Variants in IPP observed in about 807,000 individuals in gnomAD.
IPP encodes the protein actin-binding protein IPP.
In IPP, 41 loss-of-function variants were observed where a neutral mutation model predicts 64.1. That is an observed-to-expected ratio of 0.64 (90% CI 0.50 to 0.83). The LOEUF is 0.83. IPP is among the 40% of genes least tolerant of loss of function. The probability of loss-of-function intolerance (pLI) is 0.00; values close to 1 mark genes in which losing one functional copy is unlikely to be tolerated. For synonymous variants in IPP, 214 were observed against 235.2 expected, an observed-to-expected ratio of 0.91 and a Z score of 0.83; for missense variants, 649 against 703.0, an observed-to-expected ratio of 0.92 and a Z score of 0.87.
chr1:45,748,756 G>A (rs1646175489), intron 1 of IPP, among the ~76,000 whole-genome samples: 1 of 152,164 alleles, frequency 6.6e-6, no homozygotes, highest in African/African-American at 2.4e-5. Flanking sequence ...TGGATCACCA[G>A]AGGTCAGGCG....
chr1:45,736,060 G>A (rs1161838402), intron 3 of IPP, among the ~76,000 whole-genome samples: 1 of 148,710 alleles, frequency 6.7e-6, no homozygotes, highest in Non-Finnish European at 1.5e-5. Context: ...GCAGTGAGCC[G>A]AAATCACACC....
At chr1:45,719,422 T>G in intron 5 of IPP, 82 bp from the exon 6 acceptor site, 1 of 863,582 alleles carries the variant, frequency 1.2e-6, no homozygotes, top group Non-Finnish European at 1.7e-6. Flanking sequence ...TCAGTAGTAT[T>G]CCCTATCGTC....
intron 5 of IPP, among the ~76,000 whole-genome samples, chr1:45,725,059 G>T (rs1645795960): frequency 1.3e-5 from 2 of 149,724 alleles, no homozygotes; most frequent in African/African-American, 2.5e-5. Flanking sequence ...CGTCCGGGAG[G>T]GAGGTGGGGG....
downstream of IPP, among the ~76,000 whole-genome samples, chr1:45,696,077 C>T (rs1557733927): frequency 1.3e-5 from 2 of 152,302 alleles, no homozygotes; most frequent in East Asian, 1.9e-4. Flanking sequence ...GAATGCTATA[C>T]AAATTTAAGA....
Position 45,699,879 on chromosome 1 carries a change from GTCTTA to G in IPP, c.*82_*86del. The G allele has an allele frequency of 6.4e-7, 1 of 1,553,964 alleles. No homozygotes were observed. Among genetic ancestry groups the G allele is most frequent in the Non-Finnish European group, 8.7e-7 (1 of 1,151,682 alleles). The stretch of plus-strand genomic sequence containing the variant: ...CATGGAAAACTCACAGAATCAGAGG[GTCTTA>G]TCACCAAATCTATGTTTGCTTTGCA... On this transcript the variant is annotated 3_prime_UTR_variant, in exon 9 of 9. Coordinates refer to ENST00000396478, the MANE Select transcript of IPP (RefSeq NM_005897.3).
intron 1 of IPP, among the ~76,000 whole-genome samples, chr1:45,750,357 C>G (rs1557766587): frequency 6.6e-6 from 1 of 152,206 alleles, no homozygotes; most frequent in East Asian, 1.9e-4. Flanking sequence ...ACTGGGGACA[C>G]AGCCTCAGGA....
intron 3 of IPP, among the ~76,000 whole-genome samples, chr1:45,731,311 T>C (rs916714389): frequency 6.6e-6 from 1 of 152,052 alleles, no homozygotes; most frequent in Admixed American, 6.6e-5. Flanking sequence ...CGTGGTGGTA[T>C]GAACTTTTAG....
intron 6 of IPP, among the ~76,000 whole-genome samples, chr1:45,718,717 G>A (rs1391749628): frequency 1.3e-5 from 2 of 152,136 alleles, no homozygotes; most frequent in East Asian, 3.8e-4. Context: ...AAAGTCATCA[G>A]AACCCAATAA....
chr1:45,744,932 A>G (rs1024799699), intron 2 of IPP, among the ~76,000 whole-genome samples: 1 of 152,140 alleles, frequency 6.6e-6, no homozygotes, highest in African/African-American at 2.4e-5. Flanking sequence ...ATGGTGGCAC[A>G]TACCTGTAGT....
chr1:45,737,063 A>C (rs1645992290), intron 3 of IPP, among the ~76,000 whole-genome samples: 1 of 151,302 alleles, frequency 6.6e-6, no homozygotes, highest in Non-Finnish European at 1.5e-5. Context: ...AAAAAAAAGA[A>C]AAAGCTGTAG....
intron 8 of IPP, among the ~76,000 whole-genome samples, chr1:45,701,818 T>C (rs1645459022): frequency 6.6e-6 from 1 of 152,180 alleles, no homozygotes; most frequent in African/African-American, 2.4e-5. Context: ...GGACTTGAGC[T>C]TCTCATCCCA....
chr1:45,711,150 T>G (rs1645584564), intron 8 of IPP, among the ~76,000 whole-genome samples: 1 of 144,864 alleles, frequency 6.9e-6, no homozygotes, highest in Admixed American at 7.0e-5. Flanking sequence ...CCAGCCAACA[T>G]GGTGAAACCC....
intron 3 of IPP, among the ~76,000 whole-genome samples, chr1:45,730,946 C>T (rs1645897168): frequency 6.6e-6 from 1 of 152,228 alleles, no homozygotes; most frequent in South Asian, 2.1e-4. Flanking sequence ...TAGAAAGGAT[C>T]ACCTGGATTT....
chr1:45,743,842 C>T (rs1490652343), intron 2 of IPP, among the ~76,000 whole-genome samples: 2 of 143,428 alleles, frequency 1.4e-5, no homozygotes, highest in Non-Finnish European at 3.1e-5. Context: ...GAAAACCCGT[C>T]TCTACTAAAA....
At position 45,740,898 on chromosome 1, in the gene IPP, T is replaced by C. The variant is rs746602363; in HGVS notation, c.724+3A>G. 45 of 1,538,724 alleles carry C rather than the reference T, an allele frequency of 2.9e-5. No individual in the cohort carries two copies. The highest frequency in any genetic ancestry group is 3.7e-5 in the Non-Finnish European group (42 of 1,141,924). On this transcript the variant is annotated splice_donor_region_variant and intron_variant, in intron 3 of 8. Transcript: ENST00000396478. ...CTAATTCGATATATAGCAAAAAAGT[T>C]ACCTTCTATATACTTTAAAAGTCTC...
chr1:45,694,657 T>C (rs140952690), downstream of IPP: 912 of 579,856 alleles, frequency 1.6e-3, 9 homozygotes, highest in African/African-American at 0.013. Context: ...AGCAGTGTCA[T>C]GAGGGAAAGC....
chr1:45,722,441 C>T (rs1249006409), intron 5 of IPP, among the ~76,000 whole-genome samples: 1 of 151,736 alleles, frequency 6.6e-6, no homozygotes, highest in African/African-American at 2.4e-5. Flanking sequence ...ATCCCAGCTA[C>T]TTGGGAGGCT....
At chr1:45,722,890 G>A (rs900179729) in intron 5 of IPP, among the ~76,000 whole-genome samples, 7 of 152,236 alleles carry the variant, frequency 4.6e-5, no homozygotes, top group Admixed American at 2.0e-4. Flanking sequence ...AATATTATAT[G>A]ATTCCATTTA....
At chr1:45,719,481 T>C in intron 5 of IPP, 141 bp from the exon 6 acceptor site, 1 of 558,704 alleles carries the variant, frequency 1.8e-6, no homozygotes, top group Non-Finnish European at 3.0e-6. Context: ...TAACTTTCAT[T>C]TGCCTGTCAA....
Sources: gnomAD v4.1 joint callset for allele counts (sites outside exome capture counted in the v4.1 genomes callset) on GRCh38, gnomAD v4.1.1 for gene constraint, MANE v1.5 for transcripts, NCBI Gene and HGNC (gene_info 2026-07-23, HGNC 2026-07-21) for gene names.